The following SLC12A8 variants were observed in gnomAD, a reference collection of about 807,000 sequenced individuals.
SLC12A8 encodes the protein solute carrier family 12 member 8.
Under a neutral mutation model 75.6 loss-of-function variants are expected in SLC12A8, and 69 were observed. That is an observed-to-expected ratio of 0.91 (90% CI 0.75 to 1.11). SLC12A8 has a LOEUF of 1.11. SLC12A8 is among the 50% of genes most tolerant of loss of function. The pLI is 0.00. For synonymous variants in SLC12A8, 365 were observed against 372.8 expected (o/e 0.98, Z 0.24); for missense variants, 877 against 896.7 (o/e 0.98, Z 0.28).
At chr3:125,178,708 C>A (rs1560077418) in intron 4 of SLC12A8, among the ~76,000 whole-genome samples, 2 of 152,200 alleles carry the variant, frequency 1.3e-5, no homozygotes, top group Non-Finnish European at 2.9e-5. Context: ...TCTAACCCAG[C>A]AATCTTATCC....
chr3:125,159,270 T>A (rs1339296849), intron 5 of SLC12A8, among the ~76,000 whole-genome samples: 5 of 149,446 alleles, frequency 3.3e-5, no homozygotes, highest in Non-Finnish European at 7.5e-5. Context: ...TCAAAGAACT[T>A]TTTTTTTTAG....
intron 6 of SLC12A8, among the ~76,000 whole-genome samples, chr3:125,132,109 A>G (rs1374333537): frequency 1.3e-5 from 2 of 152,210 alleles, no homozygotes; most frequent in Admixed American, 1.3e-4. Context: ...AGAGCCCCCC[A>G]AACATGTCTG....
intron 5 of SLC12A8, among the ~76,000 whole-genome samples, chr3:125,150,974 A>G (rs1023825886): frequency 6.6e-6 from 1 of 152,158 alleles, no homozygotes; most frequent in Non-Finnish European, 1.5e-5. Context: ...GCGCTCACAC[A>G]CACACACCAA....
chr3:125,156,695 T>G lies in SLC12A8; in HGVS notation c.623-20913A>C, dbSNP rs74515769. ...TCACGAAACTGTCTCCCAAACTGCA[T>G]CTGGTCTTCATCTCTACCCCACCTC... On this transcript the variant is annotated intron_variant, in intron 5 of 13. Transcript: ENST00000469902. Among the ~76,000 whole-genome samples, 2,513 of 152,262 alleles carry G rather than the reference T, an allele frequency of 0.017. 133 individuals carry two copies. In the South Asian group the frequency reaches 0.2, roughly 12 times the overall value.
intron 4 of SLC12A8, among the ~76,000 whole-genome samples, chr3:125,182,507 CA>C (rs1224401945): frequency 6.6e-6 from 1 of 151,302 alleles, no homozygotes; most frequent in East Asian, 1.9e-4. Context: ...AATTTGTCCC[CA>C]TTTTTTTTTT....
intron 10 of SLC12A8, 80 bp from the exon 11 acceptor site, chr3:125,092,278 C>G: frequency 1.1e-6 from 1 of 910,750 alleles, no homozygotes; most frequent in South Asian, 1.5e-5. Context: ...CTATGAGCTC[C>G]TCTTCCCCAA....
chr3:125,167,652 C>T (rs1315585804), intron 5 of SLC12A8, among the ~76,000 whole-genome samples: 2 of 152,162 alleles, frequency 1.3e-5, no homozygotes, highest in African/African-American at 4.8e-5. Context: ...AAGCTGAGAA[C>T]ATCTAACATG....
In SLC12A8 at chr3:125,186,623, C is replaced by T. The variant is rs796652464; in HGVS notation, c.390+614G>A. Among the ~76,000 whole-genome samples the T allele has an allele frequency of 3.9e-5, 6 of 152,224 alleles. No individual in the cohort carries two copies. The East Asian group carries it at 7.7e-4, about 20-fold the overall frequency. On this transcript the variant is annotated intron_variant, in intron 4 of 13. Coordinates refer to ENST00000469902, the MANE Select transcript of SLC12A8 (RefSeq NM_024628.6). ...TTCCCTCAGCATTAAGTCACCATGC[C>T]TGTGTTTTAGCTAAAAAAGCCTTAG...
At chr3:125,206,419 C>A (rs1338006372) in intron 2 of SLC12A8, among the ~76,000 whole-genome samples, 1 of 152,150 alleles carries the variant, frequency 6.6e-6, no homozygotes, top group African/African-American at 2.4e-5. Flanking sequence ...CTTCTTGACA[C>A]GACAAGCAAA....
chr3:125,187,123 G>T, intron 4 of SLC12A8, 114 bp downstream of exon 4: 2 of 1,046,840 alleles, frequency 1.9e-6, no homozygotes, highest in Non-Finnish European at 2.8e-6. Context: ...CTGCTCGTCT[G>T]TCACATGCGG....
At chr3:125,187,103 G>T in intron 4 of SLC12A8, 134 bp downstream of exon 4, 1 of 826,516 alleles carries the variant, frequency 1.2e-6, no homozygotes. Context: ...ATTCCCTTCA[G>T]AGCCCCAACC....
At chr3:125,084,278 C>T (rs891838304) in intron 13 of SLC12A8, among the ~76,000 whole-genome samples, 1 of 152,134 alleles carries the variant, frequency 6.6e-6, no homozygotes, top group African/African-American at 2.4e-5. Context: ...TATTTACCCT[C>T]CCTAAGTAGA....
rs571074456 is a variant in SLC12A8 at position 125,094,941 on chromosome 3, T to A, written c.1706-2743A>T. Reference sequence around the variant, plus strand: ...CACTTTCTCCTTCTTGGAAAAATTATCCTCTAAGATGCCTCACTCTCTTGA... The same window carrying A: ...CACTTTCTCCTTCTTGGAAAAATTAACCTCTAAGATGCCTCACTCTCTTGA... On this transcript the variant is annotated intron_variant, in intron 10 of 13. Transcript: ENST00000469902. Among the ~76,000 whole-genome samples, 3 of 152,344 alleles carry A rather than the reference T, an allele frequency of 2.0e-5. No individual in the cohort carries two copies. The South Asian group carries it at 6.2e-4, about 32-fold the overall frequency.
chr3:125,176,943 A>G (rs1230386088), intron 5 of SLC12A8, among the ~76,000 whole-genome samples: 2 of 151,988 alleles, frequency 1.3e-5, no homozygotes, highest in East Asian at 3.9e-4. Context: ...TAGAACTAGA[A>G]ATACCATTTG....
rs978760356 is a variant in SLC12A8, at chr3:125,093,758, C to G, written c.1706-1560G>C. On this transcript the variant is annotated intron_variant, in intron 10 of 13. Transcript: ENST00000469902. ...CTTGAGCCTAGGGCTTGGCATGTAG[C>G]AGAACTCACTAAGTATTCCTAGCCC... 2.0e-5 allele frequency among the ~76,000 whole-genome samples: 3 copies of G among 152,144 alleles called. No individual in the cohort carries two copies. The South Asian group carries it at 6.2e-4, about 31-fold the overall frequency.
At chr3:125,084,575 C>A (rs9861952) in intron 13 of SLC12A8, among the ~76,000 whole-genome samples, 43,674 of 152,042 alleles carry the variant, frequency 0.29, 6,524 homozygotes, top group Non-Finnish European at 0.3. Context: ...AGGTGAAGAG[C>A]AAGTCCCATA....
chr3:125,197,435 G>A (rs531319802), intron 2 of SLC12A8, among the ~76,000 whole-genome samples: 3 of 152,224 alleles, frequency 2.0e-5, no homozygotes, highest in Non-Finnish European at 4.4e-5. Flanking sequence ...GGGATTACAG[G>A]TATGCATCAC....
chr3:125,162,887 G>A (rs559534878), intron 5 of SLC12A8, among the ~76,000 whole-genome samples: 3 of 152,206 alleles, frequency 2.0e-5, no homozygotes, highest in Admixed American at 1.3e-4. Flanking sequence ...TCCAGCTAGG[G>A]ATACAGGCAG....
At chr3:125,127,726 G>A (rs1560060620) in intron 6 of SLC12A8, among the ~76,000 whole-genome samples, 1 of 152,036 alleles carries the variant, frequency 6.6e-6, no homozygotes, top group Non-Finnish European at 1.5e-5. Flanking sequence ...AGTGCTTAGT[G>A]GCTGACATAA....
Sources: allele counts gnomAD v4.1 joint callset (sites outside exome capture counted in the v4.1 genomes callset), GRCh38; gene constraint gnomAD v4.1.1; transcripts MANE v1.5; gene names NCBI Gene and HGNC (gene_info 2026-07-23, HGNC 2026-07-21).